CDH18: variants seen among roughly 807,000 people sequenced by gnomAD.
CDH18 encodes cadherin 18.
CDH18 carries 31 observed loss-of-function variants against 67.9 expected under a neutral mutation model. That is an observed-to-expected ratio of 0.46 (90% CI 0.34 to 0.62). The LOEUF is 0.62. CDH18 is among the 20% of genes least tolerant of loss of function. The probability of loss-of-function intolerance (pLI) is 0.01; values close to 1 mark genes in which losing one functional copy is unlikely to be tolerated. For missense variants in CDH18, 890 were observed against 975.5 expected (o/e 0.91, Z 1.17); for synonymous variants, 362 against 347.2 (o/e 1.04, Z -0.48).
At chr5:19,680,175 GAAAGGATTCCCTATAC>G (rs1478576287) in intron 5 of CDH18, among the ~76,000 whole-genome samples, 12 of 152,018 alleles carry the variant, frequency 7.9e-5, no homozygotes, top group Non-Finnish European at 1.6e-4. Flanking sequence ...AAGCCATGTG[GAAAGGATTCCCTATAC>G]AATAAATGGT....
intron 2 of CDH18, among the ~76,000 whole-genome samples, chr5:19,888,251 C>T (rs1788436834): frequency 6.6e-6 from 1 of 152,070 alleles, no homozygotes; most frequent in Admixed American, 6.6e-5. Flanking sequence ...CATGTGCACA[C>T]ACACCGACAG....
chr5:20,564,578 C>T (rs937921947), intron 1 of CDH18, among the ~76,000 whole-genome samples: 1 of 152,144 alleles, frequency 6.6e-6, no homozygotes, highest in Non-Finnish European at 1.5e-5. Context: ...ACTCAAATAT[C>T]AAGTGCTCTG....
intron 2 of CDH18, among the ~76,000 whole-genome samples, chr5:19,850,436 A>T (rs1240500038): frequency 6.6e-6 from 1 of 151,936 alleles, no homozygotes. Context: ...CCACATTATC[A>T]TTATCTTTCC....
At chr5:19,684,118 G>A (rs939909291) in intron 5 of CDH18, among the ~76,000 whole-genome samples, 2 of 151,806 alleles carry the variant, frequency 1.3e-5, no homozygotes, top group African/African-American at 4.8e-5. Flanking sequence ...TGTTTTTCAT[G>A]ACATTTTCCC....
intron 8 of CDH18, among the ~76,000 whole-genome samples, chr5:19,554,619 CCT>C (rs1307141304): frequency 3.3e-5 from 5 of 151,766 alleles, no homozygotes; most frequent in Non-Finnish European, 4.4e-5. Flanking sequence ...ATGTTATTCC[CCT>C]GTTAGTAGAT....
chr5:20,121,034 C>G (rs1321697511), intron 2 of CDH18, among the ~76,000 whole-genome samples: 1 of 151,810 alleles, frequency 6.6e-6, no homozygotes, highest in Non-Finnish European at 1.5e-5. Context: ...AATTGCGCAT[C>G]CCATGAATTA....
In CDH18 at chr5:20,443,134, C is replaced by T. The variant is rs1323056248; in HGVS notation, c.-580+132328G>A. On this transcript the variant is annotated intron_variant, in intron 1 of 14. Transcript: ENST00000507958. ...CTGAGGAAGGAGAATGGCGTGAACC[C>T]GGGAGGCGGAGCTTGCAGTGAGCCG... Among the ~76,000 whole-genome samples, 9 of 134,644 alleles carry T rather than the reference C, an allele frequency of 6.7e-5. No individual in the cohort carries two copies. The South Asian group carries it at 1.8e-3, about 27-fold the overall frequency. 88.3% of individuals were successfully genotyped at this position (134,644 alleles called of 152,430 possible). A position where few individuals can be genotyped will look rare whatever the true frequency, so the allele number is the denominator to read the frequency against.
chr5:20,247,228 G>GTAT (rs1743448391), intron 2 of CDH18, among the ~76,000 whole-genome samples: 2 of 152,076 alleles, frequency 1.3e-5, no homozygotes, highest in African/African-American at 4.8e-5. Context: ...TATTTTTGGA[G>GTAT]GTATATTCTA....
chr5:20,103,751 A>G (rs1746680811), intron 2 of CDH18, among the ~76,000 whole-genome samples: 1 of 151,308 alleles, frequency 6.6e-6, no homozygotes, highest in Admixed American at 6.6e-5. Context: ...AAAGAAAAAT[A>G]TAAATTGTGT....
intron 1 of CDH18, among the ~76,000 whole-genome samples, chr5:20,471,079 TCTTAAA>T (rs745728044): frequency 8.8e-4 from 130 of 147,606 alleles, no homozygotes; most frequent in South Asian, 1.5e-3. Context: ...TCTCTATCTC[TCTTAAA>T]CTTAAAGTGG....
In CDH18 at chr5:19,747,009, G is replaced by A; in HGVS notation, c.456C>T (p.Ile152=). ...CTGTGAATTTTGGAGCGTTGTCATT[G>A]ATGTCTTGCACTTTGATGATGAACT... ...ESEFIIKVQD[I]NDNAPKFTDG... is the part of the protein sequence containing the mutation. The change falls in exon 4 of 13, where the codon ATC becomes ATT. Residue 152 remains isoleucine (I), a synonymous_variant. Coordinates refer to ENST00000382275, the MANE Select transcript of CDH18 (RefSeq NM_004934.5). 2 of 1,614,068 alleles carry A rather than the reference G, an allele frequency of 1.2e-6. No homozygotes were observed. Among genetic ancestry groups the A allele is most frequent in the Non-Finnish European group, 1.7e-6 (2 of 1,179,958 alleles).
At chr5:19,795,353 CTCTG>C (rs1231055314) in intron 3 of CDH18, among the ~76,000 whole-genome samples, 3 of 152,144 alleles carry the variant, frequency 2.0e-5, no homozygotes, top group Non-Finnish European at 2.9e-5. Context: ...ACCAGGAAAG[CTCTG>C]TCTAAGTACA....
intron 6 of CDH18, among the ~76,000 whole-genome samples, chr5:19,611,594 T>C (rs1748977969): frequency 6.6e-6 from 1 of 152,128 alleles, no homozygotes; most frequent in African/African-American, 2.4e-5. Context: ...TTCGCGCTGA[T>C]TTGAGAAGAG....
intron 2 of CDH18, among the ~76,000 whole-genome samples, chr5:20,121,161 G>C (rs1385652382): frequency 1.3e-5 from 2 of 152,170 alleles, no homozygotes; most frequent in African/African-American, 4.8e-5. Context: ...CAAGAAAGAA[G>C]CATCATGTAT....
At chr5:20,133,213 A>G (rs1280754830) in intron 2 of CDH18, among the ~76,000 whole-genome samples, 2 of 152,208 alleles carry the variant, frequency 1.3e-5, no homozygotes, top group Non-Finnish European at 2.9e-5. Context: ...AAAGACTAAG[A>G]CTGGGTAATT....
intron 11 of CDH18, among the ~76,000 whole-genome samples, chr5:19,497,150 C>CT (rs575236066): frequency 1.9e-4 from 28 of 150,472 alleles, no homozygotes; most frequent in African/African-American, 6.9e-4. Context: ...AAAAGGCAAA[C>CT]AAACAAAAAA....
At chr5:19,935,150 AG>A (rs1794098526) in intron 2 of CDH18, among the ~76,000 whole-genome samples, 2 of 151,306 alleles carry the variant, frequency 1.3e-5, no homozygotes, top group Middle Eastern at 3.2e-3. Context: ...AAAAACTTTA[AG>A]GACCCTTACA....
intron 1 of CDH18, among the ~76,000 whole-genome samples, chr5:20,351,939 C>A (rs540804883): frequency 1.1e-4 from 17 of 152,234 alleles, no homozygotes; most frequent in African/African-American, 4.1e-4. Flanking sequence ...GCAGTGAGAG[C>A]AAAAGCTAAG....
At chr5:20,207,989 C>T (rs1041752971) in intron 2 of CDH18, among the ~76,000 whole-genome samples, 2 of 151,984 alleles carry the variant, frequency 1.3e-5, no homozygotes, top group African/African-American at 2.4e-5. Context: ...CTGAATGGAA[C>T]AGAAAAATTA....
Sources: allele counts gnomAD v4.1 joint callset (sites outside exome capture counted in the v4.1 genomes callset), GRCh38; gene constraint gnomAD v4.1.1; transcripts MANE v1.5; gene names NCBI Gene and HGNC (gene_info 2026-07-23, HGNC 2026-07-21).